Variants in PPP3CA observed in about 807,000 individuals in gnomAD.
PPP3CA encodes the protein protein phosphatase 3 catalytic subunit alpha.
In PPP3CA, 14 loss-of-function variants were observed where a neutral mutation model predicts 66.5. The observed-to-expected ratio is 0.21, with a 90% CI of 0.14 to 0.33. The LOEUF is 0.33. Among genes scored for constraint, PPP3CA ranks in the 10% least tolerant of loss-of-function variants. The probability of loss-of-function intolerance (pLI) is 1.00; values close to 1 mark genes in which losing one functional copy is unlikely to be tolerated. For missense variants in PPP3CA, 317 were observed against 639.5 expected, an observed-to-expected ratio of 0.50 and a Z score of 5.44; for synonymous variants, 232 against 226.2, an observed-to-expected ratio of 1.03 and a Z score of -0.23.
At chr4:101,073,478 T>C (rs1322738611) in intron 8 of PPP3CA, among the ~76,000 whole-genome samples, 1 of 152,056 alleles carries the variant, frequency 6.6e-6, no homozygotes, top group Non-Finnish European at 1.5e-5. Flanking sequence ...GGTTTCACCA[T>C]ATTGGCCAGG....
chr4:101,184,442 T>G (rs919287726), intron 2 of PPP3CA, among the ~76,000 whole-genome samples: 4 of 152,138 alleles, frequency 2.6e-5, no homozygotes, highest in Non-Finnish European at 5.9e-5. Context: ...GCACATGAAA[T>G]ATAGTCAGAC....
chr4:101,185,099 G>A (rs1724369568), intron 2 of PPP3CA, among the ~76,000 whole-genome samples: 1 of 151,792 alleles, frequency 6.6e-6, no homozygotes, highest in Admixed American at 6.6e-5. Context: ...TGTTTAAATT[G>A]TCTCCTTAGA....
chr4:101,086,544 T>G (rs905180234), intron 6 of PPP3CA, among the ~76,000 whole-genome samples: 21 of 148,070 alleles, frequency 1.4e-4, no homozygotes, highest in African/African-American at 5.3e-4. Context: ...TATTAAAATG[T>G]TTTTTTTTTA....
intron 1 of PPP3CA, among the ~76,000 whole-genome samples, chr4:101,302,547 T>A (rs1281139652): frequency 6.6e-6 from 1 of 152,210 alleles, no homozygotes; most frequent in Non-Finnish European, 1.5e-5. Flanking sequence ...TCTGTTTTTT[T>A]GAGATGGAAT....
chr4:101,197,546 C>T (rs951204819), intron 1 of PPP3CA, among the ~76,000 whole-genome samples: 3 of 152,154 alleles, frequency 2.0e-5, no homozygotes, highest in Non-Finnish European at 2.9e-5. Flanking sequence ...TAACCTTCTT[C>T]GGCTCCAGTT....
intron 8 of PPP3CA, among the ~76,000 whole-genome samples, chr4:101,064,069 A>G (rs1035360354): frequency 6.6e-6 from 1 of 151,982 alleles, no homozygotes; most frequent in Non-Finnish European, 1.5e-5. Flanking sequence ...TTGACTTAAT[A>G]AAATAAAATG....
intron 1 of PPP3CA, among the ~76,000 whole-genome samples, chr4:101,300,509 T>G (rs139832974): frequency 0.014 from 2,102 of 152,306 alleles, 53 homozygotes; most frequent in African/African-American, 0.048. Context: ...AATCCCTTTT[T>G]GCCAGCCAGG....
intron 1 of PPP3CA, among the ~76,000 whole-genome samples, chr4:101,239,016 TACAA>T (rs1726216049): frequency 6.6e-6 from 1 of 152,116 alleles, no homozygotes; most frequent in Admixed American, 6.6e-5. Context: ...TTCCTCCATC[TACAA>T]ACACTGTCAT....
chr4:101,247,267 T>C (rs1463824361), intron 1 of PPP3CA, among the ~76,000 whole-genome samples: 1 of 151,460 alleles, frequency 6.6e-6, no homozygotes, highest in Non-Finnish European at 1.5e-5. Flanking sequence ...GTTCAAGCAA[T>C]TCTTCTGCCT....
At position 101,032,394 on chromosome 4, in the gene PPP3CA, C is replaced by T. The variant is rs1217955933; in HGVS notation, c.1242-30G>A. Reference sequence around the variant, plus strand: ...AAGGCACAATGAGGGGCGACATTAACTTTTAATTTCTTTTGTGAAAAAGAA... The same window carrying T: ...AAGGCACAATGAGGGGCGACATTAATTTTTAATTTCTTTTGTGAAAAAGAA... On this transcript the variant is annotated intron_variant, in intron 11 of 13. Transcript: ENST00000394854. 4 of 1,541,520 alleles carry T rather than the reference C, an allele frequency of 2.6e-6. No individual in the cohort carries two copies. The Admixed American group carries it at 7.1e-5, about 28-fold the overall frequency.
chr4:101,124,719 AAGAAAGAGAAAGAAAGAAAG>A (rs1722162834), intron 2 of PPP3CA, among the ~76,000 whole-genome samples: 8 of 79,714 alleles, frequency 1.0e-4, no homozygotes, highest in Admixed American at 7.4e-4. Context: ...GAAAGAAAGA[AAGAAAGAGAAAGAAAGAAAG>A]AAAGAAAGAA....
At chr4:101,275,326 C>T (rs1157967470) in intron 1 of PPP3CA, among the ~76,000 whole-genome samples, 1 of 152,210 alleles carries the variant, frequency 6.6e-6, no homozygotes, top group Admixed American at 6.5e-5. Context: ...CTCAGGGCTG[C>T]AGGTAAGCAC....
At chr4:101,204,099 G>C (rs1725051163) in intron 1 of PPP3CA, among the ~76,000 whole-genome samples, 1 of 151,908 alleles carries the variant, frequency 6.6e-6, no homozygotes, top group Non-Finnish European at 1.5e-5. Context: ...TCAACCTCCT[G>C]AGCTCAACCA....
At chr4:101,105,992 T>C (rs547944829) in intron 3 of PPP3CA, among the ~76,000 whole-genome samples, 1 of 152,090 alleles carries the variant, frequency 6.6e-6, no homozygotes, top group South Asian at 2.1e-4. Context: ...AATTTAAGAG[T>C]TACTAAAATA....
At chr4:101,193,960 G>A (rs570331490) in intron 2 of PPP3CA, among the ~76,000 whole-genome samples, 1 of 152,246 alleles carries the variant, frequency 6.6e-6, no homozygotes, top group Non-Finnish European at 1.5e-5. Flanking sequence ...AGGACTAGAG[G>A]AAAATATGGT....
At chr4:101,137,627 G>A (rs545875874) in intron 2 of PPP3CA, among the ~76,000 whole-genome samples, 6 of 152,132 alleles carry the variant, frequency 3.9e-5, no homozygotes, top group Non-Finnish European at 7.4e-5. Context: ...CTTTGGAAGA[G>A]CTGAGCACCC....
intron 1 of PPP3CA, among the ~76,000 whole-genome samples, chr4:101,254,464 G>A (rs550390274): frequency 6.6e-6 from 1 of 151,978 alleles, no homozygotes; most frequent in East Asian, 1.9e-4. Context: ...TCATTGATTT[G>A]TGATTGCTCT....
At chr4:101,045,577 T>C (rs904689236) in intron 10 of PPP3CA, among the ~76,000 whole-genome samples, 1 of 152,116 alleles carries the variant, frequency 6.6e-6, no homozygotes, top group Non-Finnish European at 1.5e-5. Flanking sequence ...ATTTTTTAAA[T>C]GTGTAAAGGC....
intron 2 of PPP3CA, among the ~76,000 whole-genome samples, chr4:101,122,345 T>C (rs1392475486): frequency 6.6e-6 from 1 of 152,214 alleles, no homozygotes; most frequent in East Asian, 1.9e-4. Flanking sequence ...GCTATACTTT[T>C]AACTTTTTTT....
Sources: gnomAD v4.1 joint callset for allele counts (sites outside exome capture counted in the v4.1 genomes callset) on GRCh38, gnomAD v4.1.1 for gene constraint, MANE v1.5 for transcripts, NCBI Gene and HGNC (gene_info 2026-07-23, HGNC 2026-07-21) for gene names.